Variants in TCIRG1 observed in about 807,000 individuals in gnomAD.
The protein encoded by TCIRG1 is V-type proton ATPase 116 kDa subunit a 3.
TCIRG1 carries 86 observed loss-of-function variants against 95.5 expected under a neutral mutation model. The observed-to-expected ratio is 0.90, with a 90% CI of 0.76 to 1.08. The LOEUF (loss-of-function observed/expected upper bound fraction) is 1.08, where lower values mean the gene tolerates loss of function less well. TCIRG1 is among the 50% of genes least tolerant of loss of function. The pLI is 0.00. For missense variants in TCIRG1, 1,069 were observed against 1,140.2 expected, an observed-to-expected ratio of 0.94 and a Z score of 0.90; for synonymous variants, 499 against 501.3, an observed-to-expected ratio of 1.00 and a Z score of 0.06.
chr11:68,042,985 C>A lies in TCIRG1; in HGVS notation c.457C>A (p.Pro153Thr), dbSNP rs371138836. 1.9e-6 allele frequency: 3 copies of A among 1,554,692 alleles called. No individual in the cohort carries two copies. Among genetic ancestry groups the A allele is most frequent in the Non-Finnish European group, 2.6e-6 (3 of 1,149,304 alleles). ...CACAGATGGGGCCTCAGAGAGGACG[C>A]CCCTGCTCCAGGCCCCCGGGGGGCC... ...AHTDGASERT[P>T]LLQAPGGPHQ... The change falls in exon 5 of 20, where the codon CCC (proline) becomes ACC (threonine). Residue 153 changes from proline to threonine, a missense_variant. By Grantham distance (38) the Pro-to-Thr change is conservative. Coordinates refer to ENST00000265686, the MANE Select transcript of TCIRG1 (RefSeq NM_006019.4).
At chr11:68,042,439 A>G (rs1028981448) in intron 3 of TCIRG1, among the ~76,000 whole-genome samples, 2 of 152,152 alleles carry the variant, frequency 1.3e-5, no homozygotes, top group African/African-American at 2.4e-5. Flanking sequence ...GTGGTGGCCA[A>G]GGGACTGGGG....
At chr11:68,048,716 T>C (rs1855631058) in intron 13 of TCIRG1, 163 bp from the exon 14 acceptor site, 1 of 720,900 alleles carries the variant, frequency 1.4e-6, no homozygotes, top group South Asian at 1.4e-5. Flanking sequence ...CCGTGGCAGC[T>C]GGCCCATCTG....
rs528762961 is a variant in TCIRG1 at position 68,043,319 on chromosome 11, G to A, written c.504-52G>A. 51 of 1,527,784 alleles carry A rather than the reference G, an allele frequency of 3.3e-5. No individual in the cohort carries two copies. The East Asian group carries it at 1.2e-3, about 35-fold the overall frequency. The allele number at this position is 1,527,784 out of a possible 1,614,324, so 94.6% of individuals were successfully genotyped here. ...GGGTCCTGCCCGGGGGGCCTGGTGG[G>A]GGAGGCAGGGCAGGAGGTTGGAGCA... On this transcript the variant is annotated intron_variant, in intron 5 of 19. Coordinates refer to ENST00000265686, the MANE Select transcript of TCIRG1 (RefSeq NM_006019.4).
Position 68,047,535 on chromosome 11 carries a change from C to G in TCIRG1, c.1268C>G (p.Ala423Gly), listed in dbSNP as rs766003504. 4 of 1,613,826 alleles carry G rather than the reference C, an allele frequency of 2.5e-6. No individual in the cohort carries two copies. The highest frequency in any genetic ancestry group is 2.7e-5 in the African/African-American group (2 of 74,892). The change falls in exon 11 of 20, where the codon GCG becomes GGG. Residue 423 changes from alanine to glycine, a missense_variant. By Grantham distance (60) the Ala-to-Gly change is moderately conservative. Transcript: ENST00000265686. The stretch of plus-strand genomic sequence containing the variant: ...CTGTTCGCCCTGGCCATGGTCCTTG[C>G]GGAGAACCGACCGGCTGTGAAGGCC... ...MFLFALAMVL[A>G]ENRPAVKAAQ...
At chr11:68,049,464 C>A in intron 15 of TCIRG1, 170 bp downstream of exon 15, 1 of 994,334 alleles carries the variant, frequency 1.0e-6, no homozygotes, top group Non-Finnish European at 1.5e-6. Context: ...GGTGGCACAA[C>A]TGGCACTGGG....
intron 18 of TCIRG1, 33 bp from the exon 19 acceptor site, chr11:68,050,454 G>T (rs1855746243): frequency 1.9e-6 from 3 of 1,611,780 alleles, no homozygotes; most frequent in South Asian, 1.1e-5. Context: ...GCACCCACTT[G>T]CCGTTGGCCC....
Position 68,043,358 on chromosome 11 carries a change from C to G in TCIRG1, c.504-13C>G. 3 of 1,539,138 alleles carry G rather than the reference C, an allele frequency of 1.9e-6. No homozygotes were observed. Among genetic ancestry groups the G allele is most frequent in the Non-Finnish European group, 2.6e-6 (3 of 1,146,414 alleles). ...GAGGTTGGAGCAGCCCTGCCCAGCC[C>G]CGTGGCCGCCAGCTTTGTGGCAGGT... On this transcript the variant is annotated splice_polypyrimidine_tract_variant and intron_variant, in intron 5 of 19. Transcript: ENST00000265686.
Position 68,050,145 on chromosome 11 carries a change from C to T in TCIRG1, c.2127C>T (p.Pro709=), listed in dbSNP as rs374467229. 3.8e-5 allele frequency: 62 copies of T among 1,613,290 alleles called. No homozygotes were observed. In the Middle Eastern group the frequency reaches 8.2e-4, roughly 21 times the overall value. ...LDDEEEAELV[P]SEVLMHQAIH... ...CTGCACCCGCCCCGCAGCTCGTCCCCTCCGAGGTGCTCATGCACCAGGCCA... is the reference window on the plus strand; with the variant it reads ...CTGCACCCGCCCCGCAGCTCGTCCCTTCCGAGGTGCTCATGCACCAGGCCA... Residue 709 remains proline (P), a synonymous_variant, in exon 18 of 20, where the codon CCC becomes CCT. Transcript: ENST00000265686.
rs1286771544 is a variant in TCIRG1, at chr11:68,050,077, T to C, written c.2118+11T>C. On this transcript the variant is annotated intron_variant, in intron 17 of 19. Transcript: ENST00000265686. ...GAAGAGGAGGCCGAGGTGGGTGCAGTGCCTTCCTGGGGGTGGGACGGCTGA... is the reference window on the plus strand; with the variant it reads ...GAAGAGGAGGCCGAGGTGGGTGCAGCGCCTTCCTGGGGGTGGGACGGCTGA... The C allele has an allele frequency of 6.2e-7, 1 of 1,612,802 alleles. No individual in the cohort carries two copies. Among genetic ancestry groups the C allele is most frequent in the African/African-American group, 1.3e-5 (1 of 74,912 alleles).
intron 10 of TCIRG1, chr11:68,047,079 C>T (rs980382086): frequency 1.8e-4 from 68 of 382,302 alleles, no homozygotes; most frequent in African/African-American, 8.9e-4. Context: ...GGCGCGAGCT[C>T]GGCTCACTGC....
chr11:68,046,064 G>A (rs868729028), intron 10 of TCIRG1, among the ~76,000 whole-genome samples: 15 of 152,248 alleles, frequency 9.9e-5, no homozygotes, highest in Non-Finnish European at 1.5e-4. Flanking sequence ...ATCACCTGGA[G>A]GCCCGTGGCA....
intron 1 of TCIRG1, among the ~76,000 whole-genome samples, chr11:68,040,714 C>T (rs1236752709): frequency 6.6e-6 from 1 of 152,212 alleles, no homozygotes; most frequent in Non-Finnish European, 1.5e-5. Context: ...GGTTTCAACA[C>T]CTGGAAGGCT....
chr11:68,043,322 A>G, intron 5 of TCIRG1, 49 bp from the exon 6 acceptor site: 2 of 1,527,532 alleles, frequency 1.3e-6, no homozygotes, highest in Non-Finnish European at 1.8e-6. Flanking sequence ...CTGGTGGGGG[A>G]GGCAGGGCAG....
rs759557477 is a variant in TCIRG1 at position 68,043,825 on chromosome 11, A to G, written c.725A>G (p.His242Arg). The G allele has an allele frequency of 1.3e-6, 2 of 1,563,486 alleles. No individual in the cohort carries two copies. The highest frequency in any genetic ancestry group is 2.4e-5 in the East Asian group (1 of 42,110). Residue 242 changes from histidine to arginine, a missense_variant, in exon 8 of 20, where the codon CAC (histidine) becomes CGC (arginine). Coordinates refer to ENST00000265686, the MANE Select transcript of TCIRG1 (RefSeq NM_006019.4). ...IRKITDCFHCHVFPFLQQEEA... is the reference protein window; with the variant it reads ...IRKITDCFHCRVFPFLQQEEA... ...CATCCTCCCTCCAGCTTCCACTGCC[A>G]CGTCTTCCCGTTTCTGCAGCAGGAG... is the stretch of plus-strand genomic sequence containing the variant.
intron 1 of TCIRG1, chr11:68,039,701 G>C (rs1231290604): frequency 2.0e-5 from 3 of 152,306 alleles, no homozygotes; most frequent in African/African-American, 7.2e-5. Context: ...GGGACCAAGG[G>C]GGACAGGGGT....
In TCIRG1 at chr11:68,050,812, A is replaced by G. The variant is rs147175413; in HGVS notation, c.2486A>G (p.Asp829Gly). 3.1e-6 allele frequency: 5 copies of G among 1,613,402 alleles called. No individual in the cohort carries two copies. In the Admixed American group the frequency reaches 8.3e-5, roughly 27 times the overall value. The change falls in exon 20 of 20, where the codon GAT (aspartate) becomes GGT (glycine). Residue 829 changes from aspartate to glycine, a missense_variant. Asp to Gly is a moderately conservative substitution (Grantham distance 94). Coordinates refer to ENST00000265686, the MANE Select transcript of TCIRG1 (RefSeq NM_006019.4). ...KLSPFTFAAT[D>G]D ...AGTCCCTTCACCTTCGCTGCCACAGATGACTAGGGCCCACTGCAGGTCCTG... is the reference window on the plus strand; with the variant it reads ...AGTCCCTTCACCTTCGCTGCCACAGGTGACTAGGGCCCACTGCAGGTCCTG...
At chr11:68,048,086 G>A in intron 13 of TCIRG1, 114 bp downstream of exon 13, 1 of 933,022 alleles carries the variant, frequency 1.1e-6, no homozygotes, top group South Asian at 1.4e-5. Context: ...CTGTGTGCCA[G>A]GCCCTTTCCT....
intron 3 of TCIRG1, 131 bp from the exon 4 acceptor site, chr11:68,042,512 C>T: frequency 1.4e-6 from 1 of 739,582 alleles, no homozygotes; most frequent in East Asian, 2.7e-5. Flanking sequence ...GAAAGTTTGG[C>T]CGGGATTTTC....
At position 68,047,688 on chromosome 11, in the gene TCIRG1, T is replaced by G; in HGVS notation, c.1347T>G (p.Leu449=). 6.2e-7 allele frequency: 1 copy of G among 1,613,592 alleles called. No individual in the cohort carries two copies. Among genetic ancestry groups the G allele is most frequent in the Non-Finnish European group, 8.5e-7 (1 of 1,179,996 alleles). The change falls in exon 12 of 20, where the codon CTT becomes CTG. Residue 449 remains leucine (L), a synonymous_variant. Coordinates refer to ENST00000265686, the MANE Select transcript of TCIRG1 (RefSeq NM_006019.4). ...TCAGGGGCCGCTACCTGCTCCTGCT[T>G]ATGGGCCTGTTCTCCATCTACACCG... ...TFFRGRYLLL[L]MGLFSIYTGF... is the part of the protein sequence containing the mutation.
Sources: gnomAD v4.1 joint callset for allele counts (sites outside exome capture counted in the v4.1 genomes callset) on GRCh38, gnomAD v4.1.1 for gene constraint, MANE v1.5 for transcripts, NCBI Gene and HGNC (gene_info 2026-07-23, HGNC 2026-07-21) for gene names.